Variants in HSD11B1 observed in about 807,000 individuals in gnomAD.
HSD11B1 encodes hydroxysteroid 11-beta dehydrogenase 1.
HSD11B1 carries 15 observed loss-of-function variants against 22.1 expected under a neutral mutation model. The observed-to-expected ratio is 0.68, with a 90% CI of 0.45 to 1.04. The LOEUF is 1.04. HSD11B1 is among the 50% of genes least tolerant of loss of function. HSD11B1 has a pLI of 0.00. For missense variants in HSD11B1, 281 were observed against 357.6 expected, an observed-to-expected ratio of 0.79 and a Z score of 1.73; for synonymous variants, 122 against 125.2, an observed-to-expected ratio of 0.97 and a Z score of 0.17.
intron 4 of HSD11B1, among the ~76,000 whole-genome samples, chr1:209,715,887 G>A (rs1364399239): frequency 6.6e-6 from 1 of 152,122 alleles, no homozygotes; most frequent in East Asian, 1.9e-4. Context: ...TAGTCTCAAA[G>A]TACTACCCTG....
intron 1 of HSD11B1, among the ~76,000 whole-genome samples, chr1:209,698,825 C>T (rs2076808944): frequency 1.3e-5 from 2 of 152,184 alleles, no homozygotes; most frequent in South Asian, 2.1e-4. Flanking sequence ...AGACCATGCT[C>T]GTGACCTCGT....
chr1:209,720,371 T>G (rs114858540), intron 4 of HSD11B1, among the ~76,000 whole-genome samples: 2,524 of 152,156 alleles, frequency 0.017, 90 homozygotes, highest in African/African-American at 0.058. Context: ...AAATCCAAAC[T>G]GAGGGACATC....
rs1355483182 is a variant in HSD11B1 at position 209,732,418 on chromosome 1, C to G, written c.518-18C>G. 6.2e-7 allele frequency: 1 copy of G among 1,613,992 alleles called. No individual in the cohort carries two copies. The highest frequency in any genetic ancestry group is 1.7e-5 in the Admixed American group (1 of 60,004). On this transcript the variant is annotated intron_variant, in intron 4 of 5. Transcript: ENST00000367027. The stretch of plus-strand genomic sequence containing the variant: ...AATGGGCAGCCTTATTAACCCATTT[C>G]TTTAATCTGTCATTTAGGGAAAGTG...
intron 4 of HSD11B1, among the ~76,000 whole-genome samples, chr1:209,714,753 T>C (rs2076919885): frequency 1.3e-5 from 2 of 152,160 alleles, no homozygotes; most frequent in African/African-American, 2.4e-5. Context: ...CCAAGCAAGA[T>C]AGGCATCTTC....
At chr1:209,721,034 G>A (rs2076962010) in intron 4 of HSD11B1, among the ~76,000 whole-genome samples, 1 of 152,152 alleles carries the variant, frequency 6.6e-6, no homozygotes, top group African/African-American at 2.4e-5. Context: ...GCCATGTAAA[G>A]ATGGAAAGTA....
At chr1:209,733,656 A>T (rs2077049274) in intron 5 of HSD11B1, among the ~76,000 whole-genome samples, 1 of 152,208 alleles carries the variant, frequency 6.6e-6, no homozygotes, top group Admixed American at 6.5e-5. Context: ...GTTAAGTCCA[A>T]ATACAAGTTT....
chr1:209,693,108 C>T (rs1372332751), intron 1 of HSD11B1, among the ~76,000 whole-genome samples: 6 of 152,186 alleles, frequency 3.9e-5, no homozygotes, highest in Non-Finnish European at 5.9e-5. Context: ...CTGGCAGAAG[C>T]ATGTTAAAAT....
At chr1:209,686,254 A>G (rs1426401529), upstream of HSD11B1, 1 of 152,236 alleles carries the variant, frequency 6.6e-6, no homozygotes, top group Non-Finnish European at 1.5e-5. Context: ...GAACATCAAT[A>G]AAAAGAAGTC....
intron 1 of HSD11B1, among the ~76,000 whole-genome samples, chr1:209,698,212 TA>T (rs1346090495): frequency 7.0e-6 from 1 of 142,930 alleles, no homozygotes; most frequent in African/African-American, 2.6e-5. Context: ...GATAGATAGA[TA>T]GATAGGAAGG....
rs773933366 is a variant in HSD11B1 at position 209,706,753 on chromosome 1, C to T, written c.264C>T (p.Tyr88=). 4 of 1,613,986 alleles carry T rather than the reference C, an allele frequency of 2.5e-6. No homozygotes were observed. ...AGCTTGGAGCAGCCTCAGCACACTACATTGCTGGCACCATGGAAGACATGA... is the reference window on the plus strand; with the variant it reads ...AGCTTGGAGCAGCCTCAGCACACTATATTGCTGGCACCATGGAAGACATGA... ...CLELGAASAH[Y]IAGTMEDMTF... Residue 88 remains tyrosine (Y), a synonymous_variant, in exon 3 of 6, where the codon TAC becomes TAT. Coordinates refer to ENST00000367027, the MANE Select transcript of HSD11B1 (RefSeq NM_005525.4). The surrounding 1 kb of genome is among the most constrained non-coding windows in gnomAD (Gnocchi z 4.0).
chr1:209,690,516 G>A lies in HSD11B1; in HGVS notation c.-49+4231G>A, dbSNP rs572651820. Reference sequence around the variant, plus strand: ...GTTCAAGACCAACCTGGCCAACATAGTGAAACCCCATCTCTACTAAAAATA... The same window carrying A: ...GTTCAAGACCAACCTGGCCAACATAATGAAACCCCATCTCTACTAAAAATA... On this transcript the variant is annotated intron_variant, in intron 1 of 6. Coordinates refer to the HSD11B1 transcript ENST00000261465. Among the ~76,000 whole-genome samples the A allele has an allele frequency of 2.3e-3, 355 of 152,168 alleles. 2 individuals carry two copies. Among genetic ancestry groups the A allele is most frequent in the African/African-American group, 8.0e-3 (333 of 41,508 alleles).
intron 4 of HSD11B1, among the ~76,000 whole-genome samples, chr1:209,711,116 A>G (rs2076892151): frequency 6.6e-6 from 1 of 152,178 alleles, no homozygotes; most frequent in African/African-American, 2.4e-5. Flanking sequence ...TGTGGTCTAA[A>G]TCTATTTCAA....
intron 4 of HSD11B1, among the ~76,000 whole-genome samples, chr1:209,716,532 A>G (rs1202787295): frequency 6.6e-6 from 1 of 152,272 alleles, no homozygotes; most frequent in East Asian, 1.9e-4. Flanking sequence ...TGCAATTCCT[A>G]TCAAAATACC....
intron 4 of HSD11B1, among the ~76,000 whole-genome samples, chr1:209,713,387 G>A (rs2076910483): frequency 1.3e-5 from 2 of 152,090 alleles, no homozygotes; most frequent in African/African-American, 2.4e-5. Context: ...TTTTCATTGT[G>A]TGTGTATGCA....
chr1:209,699,896 G>T (rs567640352), upstream of HSD11B1, among the ~76,000 whole-genome samples: 7 of 152,228 alleles, frequency 4.6e-5, no homozygotes, highest in South Asian at 1.5e-3. Flanking sequence ...AATCCAAAGG[G>T]GCAGTCAAAC....
At chr1:209,689,059 A>G (rs934676818) in intron 1 of HSD11B1, among the ~76,000 whole-genome samples, 2 of 152,168 alleles carry the variant, frequency 1.3e-5, no homozygotes, top group African/African-American at 2.4e-5. Flanking sequence ...TTTCTGGAGA[A>G]ACTTAACAAA....
intron 4 of HSD11B1, 101 bp downstream of exon 4, chr1:209,707,229 G>A (rs769139026): frequency 5.0e-6 from 5 of 1,005,176 alleles, no homozygotes; most frequent in South Asian, 1.3e-5. Context: ...CAGTTTCCAT[G>A]CAGAGAAGTA....
chr1:209,695,159 C>T (rs549215712), intron 1 of HSD11B1, among the ~76,000 whole-genome samples: 8 of 152,360 alleles, frequency 5.3e-5, no homozygotes, highest in African/African-American at 1.7e-4. Flanking sequence ...TCCCCTTAGC[C>T]TTCCACCATG....
At chr1:209,688,656 G>T (rs1453331588) in intron 1 of HSD11B1, among the ~76,000 whole-genome samples, 1 of 152,112 alleles carries the variant, frequency 6.6e-6, no homozygotes, top group Admixed American at 6.5e-5. Context: ...GTAAGTAGAA[G>T]ATATCACTAC....
Sources: gnomAD v4.1 joint callset for allele counts (sites outside exome capture counted in the v4.1 genomes callset) on GRCh38, gnomAD v4.1.1 for gene constraint, Gnocchi (gnomAD v3.1) non-coding constraint, MANE v1.5 for transcripts, NCBI Gene and HGNC (gene_info 2026-07-23, HGNC 2026-07-21) for gene names.